Variants in LRRC8D observed in about 807,000 individuals in gnomAD.
LRRC8D encodes the protein leucine rich repeat containing 8 VRAC subunit D.
LRRC8D carries 20 observed loss-of-function variants against 55.8 expected under a neutral mutation model. The ratio of observed to expected loss-of-function variants is 0.36; its 90% confidence interval spans 0.25 to 0.52. The LOEUF (loss-of-function observed/expected upper bound fraction) is 0.52. Ranked by LOEUF, LRRC8D falls within the 20% of genes least tolerant of loss-of-function variation. The pLI, the probability that LRRC8D is intolerant of heterozygous loss-of-function variation, is 0.93. For missense variants in LRRC8D, 651 were observed against 1,030.8 expected (o/e 0.63, Z 5.05); for synonymous variants, 352 against 377.0 (o/e 0.93, Z 0.77).
At chr1:89,856,226 C>T (rs188797413) in intron 2 of LRRC8D, among the ~76,000 whole-genome samples, 1 of 152,192 alleles carries the variant, frequency 6.6e-6, no homozygotes, top group Admixed American at 6.5e-5. Context: ...ATTAAACTTG[C>T]TAGATCAGTA....
intron 2 of LRRC8D, among the ~76,000 whole-genome samples, chr1:89,879,593 A>G (rs1662231018): frequency 6.6e-6 from 1 of 152,234 alleles, no homozygotes; most frequent in African/African-American, 2.4e-5. Flanking sequence ...GATATTGTGT[A>G]TAAGAAACAA....
intron 2 of LRRC8D, among the ~76,000 whole-genome samples, chr1:89,923,773 C>T (rs553266244): frequency 1.3e-5 from 2 of 152,276 alleles, no homozygotes; most frequent in African/African-American, 4.8e-5. Context: ...CACAAAATTA[C>T]ACACATACAA....
intron 2 of LRRC8D, among the ~76,000 whole-genome samples, chr1:89,915,667 A>T (rs1227112597): frequency 6.6e-6 from 1 of 152,224 alleles, no homozygotes; most frequent in Non-Finnish European, 1.5e-5. Context: ...GGGCATATAT[A>T]AATGTCCTTT....
At chr1:89,822,563 A>G (rs1660664425) in intron 1 of LRRC8D, among the ~76,000 whole-genome samples, 1 of 152,288 alleles carries the variant, frequency 6.6e-6, no homozygotes, top group South Asian at 2.1e-4. Context: ...TTTATTGAGC[A>G]CCTATTACGT....
intron 2 of LRRC8D, among the ~76,000 whole-genome samples, chr1:89,909,827 C>T (rs1275134835): frequency 2.0e-5 from 3 of 148,536 alleles, no homozygotes; most frequent in Non-Finnish European, 4.4e-5. Context: ...GATCATGCCA[C>T]TGCACTTCAG....
intron 1 of LRRC8D, among the ~76,000 whole-genome samples, chr1:89,840,600 G>A (rs1452031239): frequency 6.6e-6 from 1 of 152,104 alleles, no homozygotes. Flanking sequence ...CCCACCAAAT[G>A]CTCTTCTGTA....
intron 1 of LRRC8D, among the ~76,000 whole-genome samples, chr1:89,838,463 C>T (rs961539143): frequency 2.0e-5 from 3 of 152,156 alleles, no homozygotes; most frequent in South Asian, 2.1e-4. Flanking sequence ...AGAAGATTAA[C>T]AGACAAAACA....
chr1:89,857,382 CA>C (rs759975883), intron 2 of LRRC8D, among the ~76,000 whole-genome samples: 15,516 of 63,136 alleles, frequency 0.25, 426 homozygotes, highest in South Asian at 0.33. Flanking sequence ...AACTCCATCT[CA>C]AAAAAAAAAA....
intron 1 of LRRC8D, among the ~76,000 whole-genome samples, chr1:89,825,182 A>G (rs752377114): frequency 6.6e-6 from 1 of 152,220 alleles, no homozygotes; most frequent in Non-Finnish European, 1.5e-5. Context: ...AGTCAGTACT[A>G]TGTAAAACTC....
intron 2 of LRRC8D, among the ~76,000 whole-genome samples, chr1:89,887,686 C>T (rs1409310762): frequency 6.6e-6 from 1 of 152,130 alleles, no homozygotes; most frequent in Non-Finnish European, 1.5e-5. Context: ...ACCTTTCAGC[C>T]TGTTAAGGTG....
At chr1:89,843,248 T>G in intron 1 of LRRC8D, 2 of 161,082 alleles carry the variant, frequency 1.2e-5, no homozygotes, top group Non-Finnish European at 1.4e-5. Context: ...GGGGTGGGGG[T>G]TGGGAGGGTG....
chr1:89,921,474 TA>T (rs1443290684), intron 2 of LRRC8D, among the ~76,000 whole-genome samples: 1 of 152,258 alleles, frequency 6.6e-6, no homozygotes, highest in African/African-American at 2.4e-5. Context: ...CTTCTTTTAA[TA>T]GGGGTACTAA....
chr1:89,934,766 C>T lies in LRRC8D; in HGVS notation c.1698C>T (p.Tyr566=). ...TGCTCAAAAACCTTCGAGAGTTGTA[C>T]TTAATAGGCAATTTGAACTCTGAAA... is the stretch of plus-strand genomic sequence containing the variant. The part of the protein sequence containing the change: ...VYLLKNLREL[Y]LIGNLNSENN... The change falls in exon 3 of 3, where the codon TAC becomes TAT. Residue 566 remains tyrosine, a synonymous_variant. Coordinates refer to ENST00000337338, the MANE Select transcript of LRRC8D (RefSeq NM_001134479.2). This position sits in a 1 kb window ranked among gnomAD's most constrained non-coding sequence, Gnocchi z 5.9. 2 of 1,614,104 alleles carry T rather than the reference C, an allele frequency of 1.2e-6. No homozygotes were observed. Among genetic ancestry groups the T allele is most frequent in the Non-Finnish European group, 1.7e-6 (2 of 1,180,026 alleles).
At chr1:89,866,177 C>T (rs1353853647) in intron 2 of LRRC8D, among the ~76,000 whole-genome samples, 1 of 152,222 alleles carries the variant, frequency 6.6e-6, no homozygotes, top group Non-Finnish European at 1.5e-5. Context: ...TACTATAGTA[C>T]ATTCCTTCAC....
At chr1:89,888,826 A>G (rs2816861) in intron 2 of LRRC8D, among the ~76,000 whole-genome samples, 8,447 of 152,290 alleles carry the variant, frequency 0.055, 819 homozygotes, top group African/African-American at 0.2. Flanking sequence ...TTGAGCAACA[A>G]AATAAAGTAG....
intron 1 of LRRC8D, among the ~76,000 whole-genome samples, chr1:89,832,148 C>T (rs572645987): frequency 6.6e-6 from 1 of 152,190 alleles, no homozygotes; most frequent in Non-Finnish European, 1.5e-5. Flanking sequence ...CCCAATAGTG[C>T]TCCTGTCTTT....
intron 2 of LRRC8D, among the ~76,000 whole-genome samples, chr1:89,888,486 T>C (rs1662480839): frequency 6.6e-6 from 1 of 152,212 alleles, no homozygotes; most frequent in African/African-American, 2.4e-5. Context: ...TATTTATAGA[T>C]ATGTGTATAT....
intron 2 of LRRC8D, among the ~76,000 whole-genome samples, chr1:89,876,338 T>G (rs781601724): frequency 1.1e-4 from 16 of 152,148 alleles, no homozygotes; most frequent in Non-Finnish European, 1.9e-4. Flanking sequence ...TGGGGCTCAT[T>G]TACCATACAG....
intron 1 of LRRC8D, among the ~76,000 whole-genome samples, chr1:89,823,237 C>G (rs1033828128): frequency 5.3e-5 from 8 of 152,256 alleles, no homozygotes; most frequent in East Asian, 3.9e-4. Context: ...TGATGCAACA[C>G]TTAAAGTATT....
Sources: allele counts gnomAD v4.1 joint callset (sites outside exome capture counted in the v4.1 genomes callset), GRCh38; gene constraint gnomAD v4.1.1; non-coding constraint Gnocchi (gnomAD v3.1); transcripts MANE v1.5; gene names NCBI Gene and HGNC (gene_info 2026-07-23, HGNC 2026-07-21).